The following DIPK1B variants were observed in gnomAD, a reference collection of about 807,000 sequenced individuals.
DIPK1B encodes the protein divergent protein kinase domain 1B, also known as family with sequence similarity 69 member B.
Under a neutral mutation model 20.7 loss-of-function variants are expected in DIPK1B, and 17 were observed. The observed-to-expected ratio is 0.82, with a 90% CI of 0.56 to 1.23. The LOEUF is 1.23. Among genes scored for constraint, DIPK1B ranks in the 50% most tolerant of loss-of-function variants. The pLI, the probability that DIPK1B is intolerant of heterozygous loss-of-function variation, is 0.00. For missense variants in DIPK1B, 648 were observed against 601.8 expected, an observed-to-expected ratio of 1.08 and a Z score of -0.80; for synonymous variants, 343 against 276.5, an observed-to-expected ratio of 1.24 and a Z score of -2.39.
In DIPK1B at chr9:136,723,402, C is replaced by T. The variant is rs1361904574; in HGVS notation, c.924C>T (p.Thr308=). ...TGGCCAACGTGGGCTACACAGCCAC[C>T]TACGACTTCAAGATGGCCGACCTGC... The part of the protein sequence containing the change: ...TTLANVGYTA[T]YDFKMADLQQ... The change falls in exon 5 of 5, where the codon ACC becomes ACT. Residue 308 remains threonine, a synonymous_variant. Coordinates refer to ENST00000371692, the MANE Select transcript of DIPK1B (RefSeq NM_152421.4). 1 of 1,613,028 alleles carries T rather than the reference C, an allele frequency of 6.2e-7. No homozygotes were observed. Among genetic ancestry groups the T allele is most frequent in the East Asian group, 2.2e-5 (1 of 44,864 alleles).
chr9:136,715,423 T>C (rs962209047), intron 1 of DIPK1B, among the ~76,000 whole-genome samples: 1 of 152,060 alleles, frequency 6.6e-6, no homozygotes, highest in African/African-American at 2.4e-5. Flanking sequence ...GCAGAGGGAC[T>C]GAGGATGGCA....
In DIPK1B at chr9:136,723,842, A is replaced by T; in HGVS notation, c.*68A>T. 7.0e-7 allele frequency: 1 copy of T among 1,432,972 alleles called. No individual in the cohort carries two copies. The allele number at this position is 1,432,972 out of a possible 1,614,324, so 88.8% of individuals were successfully genotyped here. On this transcript the variant is annotated 3_prime_UTR_variant, in exon 5 of 5. Transcript: ENST00000371692. ...GGTGCCAGGGTCCAACCCTCCCTCAAGGAATCCTGTCAGAAGATGTGAAAT... is the reference window on the plus strand; with the variant it reads ...GGTGCCAGGGTCCAACCCTCCCTCATGGAATCCTGTCAGAAGATGTGAAAT...
At chr9:136,715,017 C>T (rs1846477055) in intron 1 of DIPK1B, among the ~76,000 whole-genome samples, 2 of 152,240 alleles carry the variant, frequency 1.3e-5, no homozygotes, top group South Asian at 4.1e-4. Context: ...CGGGCTGCAG[C>T]CCACGACCTC....
At chr9:136,714,839 T>C (rs1472941769) in intron 1 of DIPK1B, among the ~76,000 whole-genome samples, 4 of 152,140 alleles carry the variant, frequency 2.6e-5, no homozygotes, top group Non-Finnish European at 5.9e-5. Flanking sequence ...TCTGTAGCCC[T>C]GCCTGGGGCG....
At chr9:136,713,006 C>G (rs1446104657) in intron 1 of DIPK1B, among the ~76,000 whole-genome samples, 1 of 152,222 alleles carries the variant, frequency 6.6e-6, no homozygotes, top group African/African-American at 2.4e-5. Flanking sequence ...GGCCCAGAAA[C>G]CACACCGAAG....
intron 2 of DIPK1B, among the ~76,000 whole-genome samples, chr9:136,720,523 C>A (rs1846582069): frequency 6.6e-6 from 1 of 152,124 alleles, no homozygotes; most frequent in Non-Finnish European, 1.5e-5. Flanking sequence ...TCCCGTGGGG[C>A]GCTGGGATTG....
intron 1 of DIPK1B, among the ~76,000 whole-genome samples, chr9:136,714,834 A>T (rs1388370871): frequency 6.6e-6 from 1 of 152,066 alleles, no homozygotes; most frequent in Non-Finnish European, 1.5e-5. Context: ...CTCCCTCTGT[A>T]GCCCTGCCTG....
chr9:136,715,093 A>AG (rs2131039677), intron 1 of DIPK1B, among the ~76,000 whole-genome samples: 1 of 152,300 alleles, frequency 6.6e-6, no homozygotes, highest in South Asian at 2.1e-4. Context: ...GGATGTGCCC[A>AG]GGGCAGCCTC....
At chr9:136,717,849 A>G in intron 2 of DIPK1B, 138 bp downstream of exon 2, 1 of 1,352,196 alleles carries the variant, frequency 7.4e-7, no homozygotes, top group Non-Finnish European at 1.0e-6. Flanking sequence ...GGAATCTGCA[A>G]AGCTGCCTCA....
intron 1 of DIPK1B, among the ~76,000 whole-genome samples, chr9:136,716,115 T>C (rs1846492851): frequency 6.6e-6 from 1 of 152,114 alleles, no homozygotes; most frequent in Admixed American, 6.5e-5. Context: ...TCCTCCCTTC[T>C]GGGTGGACAT....
chr9:136,713,584 G>A lies in DIPK1B; in HGVS notation c.63+856G>A, dbSNP rs550152494. 5.9e-5 allele frequency among the ~76,000 whole-genome samples: 9 copies of A among 152,358 alleles called. No homozygotes were observed. The South Asian group carries it at 1.4e-3, about 25-fold the overall frequency. ...CCCACTTGGGGCTTCAGGTTGTGGTGGTCCCGGCTCAGCCTTGGGGCAGGG... is the reference window on the plus strand; with the variant it reads ...CCCACTTGGGGCTTCAGGTTGTGGTAGTCCCGGCTCAGCCTTGGGGCAGGG... On this transcript the variant is annotated intron_variant, in intron 1 of 4. Coordinates refer to ENST00000371692, the MANE Select transcript of DIPK1B (RefSeq NM_152421.4).
At chr9:136,716,078 G>A (rs968682083) in intron 1 of DIPK1B, among the ~76,000 whole-genome samples, 3 of 152,050 alleles carry the variant, frequency 2.0e-5, no homozygotes, top group Admixed American at 6.5e-5. Context: ...TGACGGGCTC[G>A]TTTCACTGAG....
chr9:136,716,009 A>G lies in DIPK1B; in HGVS notation c.64-1568A>G, dbSNP rs550662758. 2.4e-4 allele frequency among the ~76,000 whole-genome samples: 36 copies of G among 151,640 alleles called. No homozygotes were observed. The East Asian group carries it at 6.6e-3, about 28-fold the overall frequency. On this transcript the variant is annotated intron_variant, in intron 1 of 4. Coordinates refer to ENST00000371692, the MANE Select transcript of DIPK1B (RefSeq NM_152421.4). ...TCCCTCTACTCTCCTTCCTGTCTCT[A>G]TGGTTTTGGCGACTCTGGGGACCTC...
At chr9:136,719,579 G>A (rs1352207357) in intron 2 of DIPK1B, among the ~76,000 whole-genome samples, 1 of 152,256 alleles carries the variant, frequency 6.6e-6, no homozygotes, top group Non-Finnish European at 1.5e-5. Flanking sequence ...TGCAGGCGGG[G>A]AACAGGCTGG....
chr9:136,721,773 C>T (rs1242679463), intron 2 of DIPK1B, 148 bp from the exon 3 acceptor site: 2 of 689,328 alleles, frequency 2.9e-6, no homozygotes, highest in Admixed American at 5.4e-5. Context: ...TGGCATGACC[C>T]AGGGCCCCGG....
intron 2 of DIPK1B, among the ~76,000 whole-genome samples, chr9:136,719,250 A>G (rs1846551652): frequency 6.6e-6 from 1 of 152,094 alleles, no homozygotes. Context: ...GCCCCCACAA[A>G]CAAGAGGAAG....
chr9:136,717,836 G>A (rs1441987127), intron 2 of DIPK1B, 125 bp downstream of exon 2: 3 of 1,440,626 alleles, frequency 2.1e-6, no homozygotes, highest in African/African-American at 1.4e-5. Flanking sequence ...TGGGTTTCTA[G>A]GTGGAATCTG....
In DIPK1B at chr9:136,723,067, G is replaced by T. The variant is rs150233867; in HGVS notation, c.589G>T (p.Val197Leu). ...NRVSLAEAKSVWALLQRNEFL... is the reference protein window; with the variant it reads ...NRVSLAEAKSLWALLQRNEFL... The stretch of plus-strand genomic sequence containing the variant: ...GGTGTCCCTGGCGGAAGCCAAGTCC[G>T]TGTGGGCCCTGCTGCAGCGTAACGA... Residue 197 changes from valine (V) to leucine (L), a missense_variant, in exon 5 of 5, where the codon GTG (valine) becomes TTG (leucine). Coordinates refer to ENST00000371692, the MANE Select transcript of DIPK1B (RefSeq NM_152421.4). The T allele has an allele frequency of 6.2e-7, 1 of 1,613,574 alleles. No individual in the cohort carries two copies. Among genetic ancestry groups the T allele is most frequent in the Non-Finnish European group, 8.5e-7 (1 of 1,180,032 alleles).
chr9:136,722,570 C>T, intron 4 of DIPK1B: 2 of 574,824 alleles, frequency 3.5e-6, no homozygotes, highest in East Asian at 2.9e-5. Context: ...TCCAGCAGGG[C>T]AGGTGCCCCG....
Sources: allele counts gnomAD v4.1 joint callset (sites outside exome capture counted in the v4.1 genomes callset), GRCh38; gene constraint gnomAD v4.1.1; transcripts MANE v1.5; gene names NCBI Gene and HGNC (gene_info 2026-07-23, HGNC 2026-07-21).